The following MID1 variants were observed in gnomAD, a reference collection of about 807,000 sequenced individuals.
MID1 encodes midline 1.
In MID1, 7 loss-of-function variants were observed where a neutral mutation model predicts 40.4. That is an observed-to-expected ratio of 0.17 (90% CI 0.10 to 0.33). The LOEUF is 0.33. Ranked by LOEUF, MID1 falls within the 10% of genes least tolerant of loss-of-function variation. The pLI is 1.00. For missense variants in MID1, 367 were observed against 558.5 expected (o/e 0.66, Z 3.46); for synonymous variants, 229 against 221.2 (o/e 1.04, Z -0.31).
intron 1 of MID1, among the ~76,000 whole-genome samples, chrX:10,671,903 A>G (rs112453360): frequency 8.1e-5 from 9 of 111,157 alleles, no homozygotes; most frequent in African/African-American, 2.9e-4. Context: ...CTACAAGATC[A>G]TGGAATAAAT....
chrX:10,495,803 T>C, intron 3 of MID1, 112 bp from the exon 4 acceptor site: 1 of 574,790 alleles, frequency 1.7e-6, no homozygotes, highest in African/African-American at 2.2e-5. Context: ...ATATTTTAAA[T>C]GTTAACTCTT....
chrX:10,594,645 T>A (rs999281570), intron 1 of MID1, among the ~76,000 whole-genome samples: 1 of 111,489 alleles, frequency 9.0e-6, no homozygotes, highest in African/African-American at 3.3e-5. Flanking sequence ...AGAAGCAGCA[T>A]TGGGAAGTAC....
chrX:10,690,332 A>C (rs1404357169), intron 1 of MID1, among the ~76,000 whole-genome samples: 1 of 111,942 alleles, frequency 8.9e-6, no homozygotes, highest in African/African-American at 3.2e-5. Context: ...CAGTATTTCC[A>C]AACCGGGCTA....
intron 1 of MID1, among the ~76,000 whole-genome samples, chrX:10,684,969 G>A (rs1393408821): frequency 9.0e-6 from 1 of 111,069 alleles, no homozygotes; most frequent in Non-Finnish European, 1.9e-5. Context: ...TCATATAAGT[G>A]GAATCATAGT....
In MID1 at chrX:10,494,486, G is replaced by A. The variant is rs186198338; in HGVS notation, c.864+1098C>T. Among the ~76,000 whole-genome samples, 105 of 110,938 alleles carry A rather than the reference G, an allele frequency of 9.5e-4. 1 individual carries two copies. Among genetic ancestry groups the A allele is most frequent in the African/African-American group, 3.4e-3 (103 of 30,557 alleles). On this transcript the variant is annotated intron_variant, in intron 4 of 9. Transcript: ENST00000317552. The stretch of plus-strand genomic sequence containing the variant: ...AAAAATCCATAGAAAAATTATCCTT[G>A]GCCAGGCATAGTAGCTCGTGCCTGT...
At chrX:10,758,483 C>CGTTTTTTTTTTTTT (rs2043650475) in intron 1 of MID1, among the ~76,000 whole-genome samples, 2 of 63,873 alleles carry the variant, frequency 3.1e-5, no homozygotes, top group African/African-American at 1.6e-4. Flanking sequence ...CTTTTCTTTC[C>CGTTTTTTTTTTTTT]TTTTTTTTTT....
At chrX:10,711,550 T>C (rs775430726) in intron 1 of MID1, among the ~76,000 whole-genome samples, 10 of 112,629 alleles carry the variant, frequency 8.9e-5, no homozygotes, top group Non-Finnish European at 1.9e-4. Flanking sequence ...GCTGTGCCTC[T>C]TTCAAGTAGC....
In MID1 at chrX:10,704,716, G is replaced by GTGTA. The variant is rs1555916204; in HGVS notation, c.-186-84298_-186-84297insTACA. Among the ~76,000 whole-genome samples the GTGTA allele has an allele frequency of 2.2e-4, 17 of 78,077 alleles. No homozygotes were observed. The South Asian group carries it at 2.8e-3, about 13-fold the overall frequency. The allele number at this position is 78,077 out of a possible 115,157, so 67.8% of individuals were successfully genotyped here. A position where few individuals can be genotyped will look rare whatever the true frequency, so the allele number is the denominator to read the frequency against. On this transcript the variant is annotated intron_variant, in intron 1 of 10. Transcript: ENST00000380785. ...TGTATATATATGCATGTGTGTGTGT[G>GTGTA]TATATATATATATATATATATATAC...
chrX:10,607,761 C>G (rs1046259385), intron 1 of MID1, among the ~76,000 whole-genome samples: 1 of 112,237 alleles, frequency 8.9e-6, no homozygotes, highest in African/African-American at 3.2e-5. Flanking sequence ...GGTGTTGGGG[C>G]GTGCATCTGC....
At chrX:10,748,789 C>T (rs1421809121) in intron 1 of MID1, among the ~76,000 whole-genome samples, 1 of 111,420 alleles carries the variant, frequency 9.0e-6, no homozygotes, top group Middle Eastern at 4.2e-3. Flanking sequence ...AGGGGTCTGA[C>T]CTCTAGTACT....
chrX:10,457,286 C>A (rs989475642), intron 8 of MID1, among the ~76,000 whole-genome samples: 2 of 110,970 alleles, frequency 1.8e-5, no homozygotes, highest in Admixed American at 9.6e-5. Flanking sequence ...TCCTGCCTGC[C>A]TTGGCTCACA....
intron 2 of MID1, among the ~76,000 whole-genome samples, chrX:10,562,402 C>T (rs776459186): frequency 1.0e-5 from 1 of 99,746 alleles, no homozygotes; most frequent in African/African-American, 4.1e-5. Context: ...GAAAATTTCA[C>T]TCTCTGAGTG....
chrX:10,727,904 G>A (rs1418895800), intron 1 of MID1, among the ~76,000 whole-genome samples: 3 of 111,924 alleles, frequency 2.7e-5, no homozygotes, highest in African/African-American at 6.5e-5. Flanking sequence ...CCATGAAATC[G>A]TAACACTCTA....
At chrX:10,510,522 A>G (rs1932064170) in intron 3 of MID1, among the ~76,000 whole-genome samples, 1 of 111,692 alleles carries the variant, frequency 9.0e-6, no homozygotes, top group Non-Finnish European at 1.9e-5. Flanking sequence ...AATCTAATAA[A>G]CTAAACTTAA....
intron 1 of MID1, among the ~76,000 whole-genome samples, chrX:10,717,563 A>T (rs1395785899): frequency 9.1e-6 from 1 of 110,387 alleles, no homozygotes; most frequent in Admixed American, 9.6e-5. Flanking sequence ...TTAGAGACCT[A>T]CAAAGAGACT....
intron 1 of MID1, among the ~76,000 whole-genome samples, chrX:10,778,882 G>A (rs2043825660): frequency 8.8e-6 from 1 of 113,403 alleles, no homozygotes; most frequent in African/African-American, 3.2e-5. Context: ...AGTGTCAATA[G>A]GAAACTAATA....
chrX:10,501,830 G>A (rs1490825399), intron 3 of MID1, among the ~76,000 whole-genome samples: 2 of 111,786 alleles, frequency 1.8e-5, no homozygotes, highest in African/African-American at 6.5e-5. Context: ...TTTCTCGAGG[G>A]CACTTGGTTA....
chrX:10,633,554 C>A (rs1422985317), intron 1 of MID1, among the ~76,000 whole-genome samples: 1 of 110,806 alleles, frequency 9.0e-6, no homozygotes, highest in Non-Finnish European at 1.9e-5. Context: ...CAGGCCCAAG[C>A]AATCCTCCTA....
Position 10,755,747 on chromosome X carries a change from T to C in MID1, c.-187+77807A>G, listed in dbSNP as rs189472321. Among the ~76,000 whole-genome samples, 682 of 112,087 alleles carry C rather than the reference T, an allele frequency of 6.1e-3. 4 individuals carry two copies. Among genetic ancestry groups the C allele is most frequent in the African/African-American group, 0.021 (642 of 30,846 alleles). ...AGCCTGTTGTGAGCACATCTCTTTA[T>C]AGCCTTCAGAGAAACAGAGGCATAT... On this transcript the variant is annotated intron_variant, in intron 1 of 10. Coordinates refer to the MID1 transcript ENST00000380785.
Sources: gnomAD v4.1 joint callset for allele counts (sites outside exome capture counted in the v4.1 genomes callset) on GRCh38, gnomAD v4.1.1 for gene constraint, MANE v1.5 for transcripts, NCBI Gene and HGNC (gene_info 2026-07-23, HGNC 2026-07-21) for gene names.